Variants in PPP3CB observed in about 807,000 individuals in gnomAD.
PPP3CB encodes the protein protein phosphatase 3 catalytic subunit beta, also known as serine/threonine-protein phosphatase 2B catalytic subunit beta isoform.
A neutral mutation model predicts 66.4 loss-of-function variants in PPP3CB; 8 were observed. That is an observed-to-expected ratio of 0.12 (90% CI 0.07 to 0.22). The LOEUF is 0.22. PPP3CB is among the 10% of genes least tolerant of loss of function. The probability of loss-of-function intolerance (pLI) is 1.00; values close to 1 mark genes in which losing one functional copy is unlikely to be tolerated. For synonymous variants in PPP3CB, 208 were observed against 221.2 expected (o/e 0.94, Z 0.53); for missense variants, 319 against 642.5 (o/e 0.50, Z 5.44).
chr10:73,492,348 A>G (rs969152436), intron 1 of PPP3CB, among the ~76,000 whole-genome samples: 2 of 152,250 alleles, frequency 1.3e-5, no homozygotes, highest in African/African-American at 4.8e-5. Flanking sequence ...GAGACAATCC[A>G]GCTTTACAAA....
Position 73,438,131 on chromosome 10 carries a change from T to C in PPP3CB, c.*111A>G. 1.8e-6 allele frequency: 2 copies of C among 1,091,780 alleles called. No individual in the cohort carries two copies. The highest frequency in any genetic ancestry group is 1.7e-5 in the South Asian group (1 of 60,018). The allele number at this position is 1,091,780 out of a possible 1,614,324, so 67.6% of individuals were successfully genotyped here. ...GGCTAGGGTCTCAGAAGCACAATGGTTTCTTCAGAGAGACTGTGAAATTTA... is the reference window on the plus strand; with the variant it reads ...GGCTAGGGTCTCAGAAGCACAATGGCTTCTTCAGAGAGACTGTGAAATTTA... On this transcript the variant is annotated 3_prime_UTR_variant, in exon 14 of 14. Coordinates refer to ENST00000360663, the MANE Select transcript of PPP3CB (RefSeq NM_021132.4).
chr10:73,466,845 A>G (rs193272601), intron 9 of PPP3CB: 107 of 152,324 alleles, frequency 7.0e-4, no homozygotes, highest in African/African-American at 2.5e-3. Flanking sequence ...CATTTTCCAC[A>G]TATGGAAACT....
At chr10:73,457,403 T>TA (rs1353753358) in intron 9 of PPP3CB, among the ~76,000 whole-genome samples, 1 of 151,010 alleles carries the variant, frequency 6.6e-6, no homozygotes, top group Non-Finnish European at 1.5e-5. Flanking sequence ...ACTCCAACAT[T>TA]CTAGCCTAGA....
At chr10:73,480,482 T>A (rs1467024497) in intron 1 of PPP3CB, among the ~76,000 whole-genome samples, 2 of 149,890 alleles carry the variant, frequency 1.3e-5, no homozygotes, top group Non-Finnish European at 3.0e-5. Flanking sequence ...TCTTGTTCTG[T>A]CGCCCAGGCT....
intron 1 of PPP3CB, among the ~76,000 whole-genome samples, chr10:73,483,745 C>T (rs560456335): frequency 1.3e-5 from 2 of 152,130 alleles, no homozygotes; most frequent in South Asian, 2.1e-4. Context: ...AAGTGGAGAA[C>T]GGAGCTTCAG....
At chr10:73,446,364 T>G in intron 11 of PPP3CB, 128 bp downstream of exon 11, 1 of 856,614 alleles carries the variant, frequency 1.2e-6, no homozygotes, top group South Asian at 1.5e-5. Flanking sequence ...CATCCCAAAA[T>G]GCTGAGATTA....
At chr10:73,439,399 T>G (rs1251269152) in intron 13 of PPP3CB, among the ~76,000 whole-genome samples, 1 of 152,124 alleles carries the variant, frequency 6.6e-6, no homozygotes, top group Non-Finnish European at 1.5e-5. Flanking sequence ...ATCATTATAG[T>G]GACAGTTCCT....
intron 1 of PPP3CB, among the ~76,000 whole-genome samples, chr10:73,488,700 GTC>G (rs1263956675): frequency 6.6e-6 from 1 of 152,088 alleles, no homozygotes; most frequent in Non-Finnish European, 1.5e-5. Flanking sequence ...TATCCATTGG[GTC>G]TCTTTTAATT....
intron 9 of PPP3CB, among the ~76,000 whole-genome samples, chr10:73,455,936 T>A (rs12266790): frequency 0.021 from 3,221 of 152,314 alleles, 105 homozygotes; most frequent in African/African-American, 0.071. Flanking sequence ...TTCATGAGTG[T>A]AGGATGTTGT....
intron 10 of PPP3CB, among the ~76,000 whole-genome samples, chr10:73,449,253 T>G (rs564502450): frequency 6.6e-6 from 1 of 152,264 alleles, no homozygotes; most frequent in East Asian, 1.9e-4. Context: ...AAGCTAAACC[T>G]CCCATATTCC....
intron 3 of PPP3CB, chr10:73,477,270 T>C (rs1426577999): frequency 1.2e-5 from 6 of 513,560 alleles, no homozygotes; most frequent in Non-Finnish European, 2.3e-5. Flanking sequence ...GACCCCACAA[T>C]TCTACCTCTA....
intron 9 of PPP3CB, among the ~76,000 whole-genome samples, chr10:73,457,413 A>G (rs1388829318): frequency 6.6e-6 from 1 of 152,006 alleles, no homozygotes; most frequent in Non-Finnish European, 1.5e-5. Context: ...TCTAGCCTAG[A>G]TGATGGAGTG....
intron 4 of PPP3CB, among the ~76,000 whole-genome samples, chr10:73,474,594 A>G (rs1237076890): frequency 6.6e-6 from 1 of 150,452 alleles, no homozygotes; most frequent in Non-Finnish European, 1.5e-5. Context: ...CGCCACACCC[A>G]GCTAATTTTT....
intron 10 of PPP3CB, among the ~76,000 whole-genome samples, chr10:73,449,741 A>G (rs1391072400): frequency 6.6e-6 from 1 of 152,188 alleles, no homozygotes; most frequent in Non-Finnish European, 1.5e-5. Context: ...TACATTAAAC[A>G]ATACAGAGCA....
intron 1 of PPP3CB, among the ~76,000 whole-genome samples, 183 bp from the exon 2 acceptor site, chr10:73,479,700 C>T (rs914647139): frequency 2.0e-5 from 3 of 152,166 alleles, no homozygotes; most frequent in African/African-American, 7.2e-5. Context: ...GCTATTTATA[C>T]TAACATGTTC....
In PPP3CB at chr10:73,474,897, C is replaced by T. The variant is rs373684638; in HGVS notation, c.523+22G>A. 5 of 1,610,794 alleles carry T rather than the reference C, an allele frequency of 3.1e-6. No homozygotes were observed. The African/African-American group carries it at 6.7e-5, about 22-fold the overall frequency. ...CAAAAGAATACTGAGGAAGTGAAAA[C>T]ATTTCTTCTGGCAGTACTCACATTC... On this transcript the variant is annotated intron_variant, in intron 4 of 13. Transcript: ENST00000360663.
intron 10 of PPP3CB, among the ~76,000 whole-genome samples, chr10:73,448,229 T>C (rs1410201428): frequency 6.6e-6 from 1 of 152,166 alleles, no homozygotes; most frequent in Non-Finnish European, 1.5e-5. Flanking sequence ...ATGTAAACTA[T>C]ACTGATATCA....
At chr10:73,464,453 T>C (rs990176000) in intron 9 of PPP3CB, among the ~76,000 whole-genome samples, 2 of 152,092 alleles carry the variant, frequency 1.3e-5, no homozygotes, top group African/African-American at 2.4e-5. Flanking sequence ...CTATGGAAGA[T>C]CATATAATAT....
Position 73,447,935 on chromosome 10 carries a change from T to C in PPP3CB, c.1187-1362A>G, listed in dbSNP as rs933902580. Among the ~76,000 whole-genome samples, 4 of 150,678 alleles carry C rather than the reference T, an allele frequency of 2.7e-5. No individual in the cohort carries two copies. In the East Asian group the frequency reaches 7.8e-4, roughly 29 times the overall value. ...AAAAAACCCCCAAAAACTAAAAATA[T>C]AAGAATCATAGAATATTAGAATTTG... is the stretch of plus-strand genomic sequence containing the variant. On this transcript the variant is annotated intron_variant, in intron 10 of 13. Transcript: ENST00000360663.
Sources: allele counts gnomAD v4.1 joint callset (sites outside exome capture counted in the v4.1 genomes callset), GRCh38; gene constraint gnomAD v4.1.1; transcripts MANE v1.5; gene names NCBI Gene and HGNC (gene_info 2026-07-23, HGNC 2026-07-21).